The following USP15 variants were observed in gnomAD, a reference collection of about 807,000 sequenced individuals.
The protein encoded by USP15 is ubiquitin specific peptidase 15.
Under a neutral mutation model 127.1 loss-of-function variants are expected in USP15, and 18 were observed. The ratio of observed to expected loss-of-function variants is 0.14; its 90% CI spans 0.10 to 0.21. The LOEUF (loss-of-function observed/expected upper bound fraction) is 0.21, where lower values mean the gene tolerates loss of function less well. Ranked by LOEUF, USP15 falls within the 10% of genes least tolerant of loss-of-function variation. The pLI is 1.00. For synonymous variants in USP15, 364 were observed against 393.7 expected, an observed-to-expected ratio of 0.92 and a Z score of 0.89; for missense variants, 805 against 1,159.9, an observed-to-expected ratio of 0.69 and a Z score of 4.44.
intron 6 of USP15, among the ~76,000 whole-genome samples, chr12:62,346,105 A>G (rs896533559): frequency 2.0e-5 from 3 of 152,226 alleles, no homozygotes; most frequent in South Asian, 2.1e-4. Context: ...GACTGGTTCC[A>G]CTTGTAGTTC....
intron 1 of USP15, among the ~76,000 whole-genome samples, chr12:62,278,289 G>C (rs1244544834): frequency 6.6e-6 from 1 of 152,144 alleles, no homozygotes; most frequent in African/African-American, 2.4e-5. Flanking sequence ...TGAAGGACCT[G>C]CCTGAGGCTG....
intron 2 of USP15, 150 bp downstream of exon 2, chr12:62,294,456 G>A (rs2064069424): frequency 2.5e-6 from 2 of 791,398 alleles, no homozygotes; most frequent in Non-Finnish European, 3.7e-6. Context: ...ATTCTAATAA[G>A]TTATTAAAAA....
chr12:62,316,838 G>A (rs2064843982), intron 4 of USP15, among the ~76,000 whole-genome samples: 1 of 152,120 alleles, frequency 6.6e-6, no homozygotes, highest in African/African-American at 2.4e-5. Context: ...ACGAAGATAT[G>A]TAATTTATAA....
At chr12:62,357,509 T>C (rs1031875720) in intron 8 of USP15, among the ~76,000 whole-genome samples, 1 of 152,116 alleles carries the variant, frequency 6.6e-6, no homozygotes, top group Non-Finnish European at 1.5e-5. Context: ...CCATTTCATC[T>C]GAGACACAGC....
intron 6 of USP15, 41 bp from the exon 7 acceptor site, chr12:62,349,180 T>C (rs759284089): frequency 8.4e-7 from 1 of 1,191,450 alleles, no homozygotes; most frequent in South Asian, 1.7e-5. Flanking sequence ...TTAAAAATTC[T>C]TCATTTTTTT....
intron 4 of USP15, among the ~76,000 whole-genome samples, chr12:62,315,307 T>G (rs934080139): frequency 6.6e-6 from 1 of 152,030 alleles, no homozygotes; most frequent in South Asian, 2.1e-4. Flanking sequence ...TACAGTCAAG[T>G]AGCCAAGGCA....
intron 8 of USP15, among the ~76,000 whole-genome samples, chr12:62,362,268 A>G (rs73321563): frequency 0.22 from 34,094 of 152,034 alleles, 4,167 homozygotes; most frequent in African/African-American, 0.34. Context: ...TGCCAGTTTA[A>G]CCATTTTAAG....
intron 2 of USP15, among the ~76,000 whole-genome samples, chr12:62,298,784 G>A (rs1398493599): frequency 7.3e-6 from 1 of 136,588 alleles, no homozygotes; most frequent in Admixed American, 8.4e-5. Context: ...AGCCGAGATT[G>A]TACCACTGCA....
chr12:62,369,087 G>A (rs1166706724), intron 8 of USP15, among the ~76,000 whole-genome samples: 1 of 152,140 alleles, frequency 6.6e-6, no homozygotes, highest in Non-Finnish European at 1.5e-5. Context: ...AGAAGTTCAT[G>A]TTTAGTGAAT....
At chr12:62,332,056 C>T (rs1269605) in intron 6 of USP15, among the ~76,000 whole-genome samples, 11 of 151,586 alleles carry the variant, frequency 7.3e-5, no homozygotes, top group East Asian at 5.9e-4. Context: ...CCCAGCTACT[C>T]GGGAGGCTGA....
intron 6 of USP15, 49 bp downstream of exon 6, chr12:62,325,982 G>A: frequency 2.0e-6 from 3 of 1,488,946 alleles, no homozygotes; most frequent in Non-Finnish European, 2.8e-6. Flanking sequence ...TGAAGCCCTT[G>A]ATGCTAGATA....
intron 1 of USP15, among the ~76,000 whole-genome samples, chr12:62,279,624 C>G (rs1459795327): frequency 6.6e-6 from 1 of 152,132 alleles, no homozygotes; most frequent in East Asian, 1.9e-4. Context: ...TCCTCACCAA[C>G]AGTTACCTTT....
At chr12:62,303,389 T>A (rs2064375705) in intron 3 of USP15, 1 of 153,024 alleles carries the variant, frequency 6.5e-6, no homozygotes. Flanking sequence ...ATTTTAAAAT[T>A]GTAGTCTAGA....
chr12:62,397,996 A>G (rs1477612522), intron 20 of USP15, among the ~76,000 whole-genome samples: 3 of 107,468 alleles, frequency 2.8e-5, no homozygotes, highest in Admixed American at 9.6e-5. Flanking sequence ...TATTTTATCT[A>G]TACGTTTTTT....
chr12:62,300,133 A>T (rs1351411201), intron 2 of USP15, among the ~76,000 whole-genome samples: 3 of 152,018 alleles, frequency 2.0e-5, no homozygotes, highest in Non-Finnish European at 4.4e-5. Context: ...CCTTTGAAGC[A>T]CAAAAGTTTT....
intron 8 of USP15, among the ~76,000 whole-genome samples, chr12:62,361,808 T>A (rs10877831): frequency 0.33 from 49,752 of 151,890 alleles, 8,606 homozygotes; most frequent in African/African-American, 0.45. Context: ...TTTCTAAAAG[T>A]TTACCATTTA....
chr12:62,302,951 T>C (rs754397632), intron 3 of USP15, 31 bp downstream of exon 3: 1 of 1,587,684 alleles, frequency 6.3e-7, no homozygotes, highest in Non-Finnish European at 8.6e-7. Context: ...ACTATAAATA[T>C]TATTTTTCTT....
chr12:62,261,370 A>C (rs1487966402), intron 1 of USP15, among the ~76,000 whole-genome samples: 2 of 152,218 alleles, frequency 1.3e-5, no homozygotes, highest in African/African-American at 4.8e-5. Context: ...AAATATGTGA[A>C]TATGTAACAT....
rs1008550817 is a variant in USP15 at position 62,336,083 on chromosome 12, A to C, written c.683+10150A>C. ...TGCAGCTTCACTAACTGTTTGCAGC[A>C]GCTCTACTCAGACCTTAAATGCATT... On this transcript the variant is annotated intron_variant, in intron 6 of 21. Coordinates refer to ENST00000280377, the MANE Select transcript of USP15 (RefSeq NM_001252078.2). The C allele has an allele frequency of 6.1e-6, 6 of 985,426 alleles. No homozygotes were observed. The African/African-American group carries it at 1.0e-4, about 17-fold the overall frequency. The allele number at this position is 985,426 out of a possible 1,614,324, so 61.0% of individuals were successfully genotyped here. A position where few individuals can be genotyped will look rare whatever the true frequency, so the allele number is the denominator to read the frequency against.
Sources: gnomAD v4.1 joint callset for allele counts (sites outside exome capture counted in the v4.1 genomes callset) on GRCh38, gnomAD v4.1.1 for gene constraint, MANE v1.5 for transcripts, NCBI Gene and HGNC (gene_info 2026-07-23, HGNC 2026-07-21) for gene names.